Variants in CFHR3 observed in about 807,000 individuals in gnomAD.
CFHR3 encodes the protein complement factor H-related protein 3.
Under a neutral mutation model 36.0 loss-of-function variants are expected in CFHR3, and 22 were observed. The observed-to-expected ratio is 0.61, with a 90% CI of 0.44 to 0.87. The LOEUF is 0.87. Ranked by LOEUF, CFHR3 falls within the 40% of genes least tolerant of loss-of-function variation. CFHR3 has a pLI of 0.00. For synonymous variants in CFHR3, 97 were observed against 137.4 expected (o/e 0.71, Z 2.06); for missense variants, 276 against 401.3 (o/e 0.69, Z 2.67).
At position 196,789,247 on chromosome 1, in the gene CFHR3, G is replaced by A. The variant is rs187880203; in HGVS notation, c.614-798G>A. The A allele has an allele frequency of 3.4e-5, 28 of 813,478 alleles. 3 individuals are homozygous for A. The African/African-American group carries it at 5.6e-4, about 16-fold the overall frequency. The allele number at this position is 813,478 out of a possible 1,614,324, so 50.4% of individuals were successfully genotyped here. On this transcript the variant is annotated intron_variant, in intron 4 of 5. Transcript: ENST00000367425. ...ACTATTTTTAGTCATGAGATAATATGGAACCTTGATACATAATACAACATG... is the reference window on the plus strand; with the variant it reads ...ACTATTTTTAGTCATGAGATAATATAGAACCTTGATACATAATACAACATG...
intron 1 of CFHR3, 118 bp downstream of exon 1, chr1:196,775,062 G>T: frequency 1.1e-6 from 1 of 870,516 alleles, no homozygotes. Flanking sequence ...CACTATGCTA[G>T]TAGAAGTGAC....
Position 196,785,844 on chromosome 1 carries a change from G to A in CFHR3, c.431-2372G>A, listed in dbSNP as rs1034070614. 1.5e-5 allele frequency among the ~76,000 whole-genome samples: 2 copies of A among 137,318 alleles called. 1 individual carries two copies. The highest frequency in any genetic ancestry group is 3.1e-5 in the Non-Finnish European group (2 of 64,644). The allele number at this position is 137,318 out of a possible 152,430, so 90.1% of individuals were successfully genotyped here. Reference sequence around the variant, plus strand: ...CGTCCAGCTTTGTTCCGTTGCTGGTGAGGAACTTTGTTCCTTTGGAGGAGG... The same window carrying A: ...CGTCCAGCTTTGTTCCGTTGCTGGTAAGGAACTTTGTTCCTTTGGAGGAGG... On this transcript the variant is annotated intron_variant, in intron 3 of 5. Transcript: ENST00000367425.
At chr1:196,778,594 C>T (rs1314326558) in intron 1 of CFHR3, among the ~76,000 whole-genome samples, 1 of 135,726 alleles carries the variant, frequency 7.4e-6, no homozygotes, top group Non-Finnish European at 1.6e-5. Context: ...TATATCTCAT[C>T]CGATACATGA....
chr1:196,780,391 C>T (rs1653899218), intron 3 of CFHR3, among the ~76,000 whole-genome samples: 1 of 137,398 alleles, frequency 7.3e-6, no homozygotes, highest in Admixed American at 7.0e-5. Flanking sequence ...TTTATATAAA[C>T]AGTTCCTTCT....
chr1:196,783,571 A>G lies in CFHR3; in HGVS notation c.430+3598A>G, dbSNP rs1654055987. 1.5e-5 allele frequency among the ~76,000 whole-genome samples: 2 copies of G among 130,062 alleles called. 1 individual carries two copies. The highest frequency in any genetic ancestry group is 6.9e-5 in the African/African-American group (2 of 29,122). The allele number at this position is 130,062 out of a possible 152,430, so 85.3% of individuals were successfully genotyped here. A position where few individuals can be genotyped will look rare whatever the true frequency, so the allele number is the denominator to read the frequency against. ...CAAGGAATTTATCCATTTCTTCTAG[A>G]TTTTCTAGTTTATTTGCGCAGAGGT... On this transcript the variant is annotated intron_variant, in intron 3 of 5. Transcript: ENST00000367425.
At chr1:196,778,871 A>G (rs1421162343) in intron 1 of CFHR3, among the ~76,000 whole-genome samples, 2 of 137,194 alleles carry the variant, frequency 1.5e-5, no homozygotes, top group Non-Finnish European at 3.1e-5. Flanking sequence ...AAGAGACCAT[A>G]CTACATTAGT....
chr1:196,791,173 C>T (rs1439212323), intron 5 of CFHR3, among the ~76,000 whole-genome samples: 1 of 135,826 alleles, frequency 7.4e-6, no homozygotes, highest in Non-Finnish European at 1.6e-5. Flanking sequence ...TAACCCATTG[C>T]TTTTCCATTT....
chr1:196,783,014 C>G lies in CFHR3; in HGVS notation c.430+3041C>G, dbSNP rs566592123. On this transcript the variant is annotated intron_variant, in intron 3 of 5. Coordinates refer to ENST00000367425, the MANE Select transcript of CFHR3 (RefSeq NM_021023.6). ...TTTATTGAGAGTTTTTAGCATGAAG[C>G]GTTGTTGAATTTTGTCAAAGGCCTT... is the stretch of plus-strand genomic sequence containing the variant. Among the ~76,000 whole-genome samples, 745 of 136,378 alleles carry G rather than the reference C, an allele frequency of 5.5e-3. 192 individuals are homozygous for G. Among genetic ancestry groups the G allele is most frequent in the African/African-American group, 0.022 (707 of 32,628 alleles). The allele number at this position is 136,378 out of a possible 152,430, so 89.5% of individuals were successfully genotyped here.
At chr1:196,783,228 T>C (rs1654036951) in intron 3 of CFHR3, among the ~76,000 whole-genome samples, 1 of 136,874 alleles carries the variant, frequency 7.3e-6, no homozygotes, top group Non-Finnish European at 1.5e-5. Context: ...AGGATTTTTG[T>C]ATCAATATTA....
At chr1:196,787,752 A>C (rs1463306147) in intron 3 of CFHR3, among the ~76,000 whole-genome samples, 1 of 137,190 alleles carries the variant, frequency 7.3e-6, no homozygotes, top group Admixed American at 7.0e-5. Flanking sequence ...CAACCATTTT[A>C]AATTCTTGGA....
In CFHR3 at chr1:196,782,992, A is replaced by T. The variant is rs1654021384; in HGVS notation, c.430+3019A>T. ...GATATGTCCCATCAATATCTAATTTATTGAGAGTTTTTAGCATGAAGCGTT... is the reference window on the plus strand; with the variant it reads ...GATATGTCCCATCAATATCTAATTTTTTGAGAGTTTTTAGCATGAAGCGTT... On this transcript the variant is annotated intron_variant, in intron 3 of 5. Coordinates refer to ENST00000367425, the MANE Select transcript of CFHR3 (RefSeq NM_021023.6). 1.5e-5 allele frequency among the ~76,000 whole-genome samples: 2 copies of T among 137,020 alleles called. 1 individual carries two copies. Among genetic ancestry groups the T allele is most frequent in the South Asian group, 5.1e-4 (2 of 3,928 alleles). The allele number at this position is 137,020 out of a possible 152,430, so 89.9% of individuals were successfully genotyped here. A position where few individuals can be genotyped will look rare whatever the true frequency, so the allele number is the denominator to read the frequency against.
intron 1 of CFHR3, 69 bp downstream of exon 1, chr1:196,775,013 T>A: frequency 1.6e-6 from 2 of 1,235,906 alleles, no homozygotes; most frequent in Non-Finnish European, 1.2e-6. Context: ...TCTAGCTTTG[T>A]ATGTCTATAA....
At chr1:196,779,506 A>G in intron 2 of CFHR3, 150 bp downstream of exon 2, 1 of 755,672 alleles carries the variant, frequency 1.3e-6, no homozygotes, top group Non-Finnish European at 2.1e-6. Context: ...GATCTTTTCT[A>G]TTATGAGGAG....
chr1:196,789,929 A>C (rs1654360351), intron 4 of CFHR3, 116 bp from the exon 5 acceptor site: 1 of 1,249,880 alleles, frequency 8.0e-7, no homozygotes, highest in South Asian at 1.8e-5. Context: ...TTGAAAATGC[A>C]GATGTCTTCC....
intron 3 of CFHR3, among the ~76,000 whole-genome samples, chr1:196,782,616 G>T (rs1654003350): frequency 7.3e-6 from 1 of 136,584 alleles, no homozygotes; most frequent in Admixed American, 7.1e-5. Flanking sequence ...TCTGTTATTG[G>T]TGTATAAGAA....
chr1:196,781,899 A>T (rs1185261585), intron 3 of CFHR3, among the ~76,000 whole-genome samples: 1 of 136,518 alleles, frequency 7.3e-6, no homozygotes, highest in African/African-American at 3.1e-5. Context: ...CTGAATGGTA[A>T]TGCCTAGGTT....
At position 196,779,316 on chromosome 1, in the gene CFHR3, T is replaced by C; in HGVS notation, c.213T>C (p.His71=). 7 of 1,529,094 alleles carry C rather than the reference T, an allele frequency of 4.6e-6. 1 individual carries two copies. The highest frequency in any genetic ancestry group is 6.2e-6 in the Non-Finnish European group (7 of 1,129,864). 94.7% of individuals were successfully genotyped at this position (1,529,094 alleles called of 1,614,324 possible). A position where few individuals can be genotyped will look rare whatever the true frequency, so the allele number is the denominator to read the frequency against. Residue 71 remains histidine (H), a synonymous_variant, in exon 2 of 6, where the codon CAT becomes CAC. Transcript: ENST00000367425. The part of the protein sequence containing the change: ...TPSGSYWDYI[H]CTQNGWSPAV... ...CAGGAAGTTACTGGGATTACATTCA[T>C]TGCACACAAAATGGGTGGTCACCAG...
In CFHR3 at chr1:196,792,607, G is replaced by A. The variant is rs561992021; in HGVS notation, c.797-710G>A. On this transcript the variant is annotated intron_variant, in intron 5 of 5. Coordinates refer to ENST00000367425, the MANE Select transcript of CFHR3 (RefSeq NM_021023.6). ...TATGTGGAAGTAACATTATCTTACT[G>A]ATTTTACAGATGAAGGCATAGTGAG... 3.4e-4 allele frequency among the ~76,000 whole-genome samples: 46 copies of A among 133,904 alleles called. 8 individuals are homozygous for A. The South Asian group carries it at 7.8e-3, about 23-fold the overall frequency. The allele number at this position is 133,904 out of a possible 152,430, so 87.8% of individuals were successfully genotyped here.
At chr1:196,780,352 GTT>G (rs1432489675) in intron 3 of CFHR3, among the ~76,000 whole-genome samples, 1 of 137,020 alleles carries the variant, frequency 7.3e-6, no homozygotes, top group Non-Finnish European at 1.5e-5. Context: ...ACTCTAGAAG[GTT>G]TCCTACAGTA....
Sources: gnomAD v4.1 joint callset for allele counts (sites outside exome capture counted in the v4.1 genomes callset) on GRCh38, gnomAD v4.1.1 for gene constraint, MANE v1.5 for transcripts, NCBI Gene and HGNC (gene_info 2026-07-23, HGNC 2026-07-21) for gene names.